The following FALEC variants were observed in gnomAD, a reference collection of about 807,000 sequenced individuals.
FALEC encodes the protein focally amplified lncRNA regulator of ECM1.
the FALEC span, among the ~76,000 whole-genome samples, chr1:150,527,177 G>T: frequency 6.6e-5 from 10 of 151,266 alleles, no homozygotes; most frequent in African/African-American, 2.4e-4. Context: ...CTGACCTCAG[G>T]TGATCAGCCT....
At chr1:150,517,085 G>T (rs1003312324) in intron 1 of FALEC, among the ~76,000 whole-genome samples, 3 of 152,080 alleles carry the variant, frequency 2.0e-5, no homozygotes, top group Non-Finnish European at 2.9e-5. Context: ...GATCAACCGA[G>T]GTCAGGAGTT....
At chr1:150,526,277 G>A in the FALEC span, among the ~76,000 whole-genome samples, 4 of 150,862 alleles carry the variant, frequency 2.7e-5, no homozygotes, top group Non-Finnish European at 5.9e-5. Flanking sequence ...GTGAACTCGG[G>A]AGGCGGAGCT....
chr1:150,516,434 C>G (rs1222812051), intron 1 of FALEC, among the ~76,000 whole-genome samples: 2 of 152,202 alleles, frequency 1.3e-5, no homozygotes, highest in Non-Finnish European at 2.9e-5. Flanking sequence ...CCGGAGAGCA[C>G]TTGTAAGCTA....
chr1:150,526,407 C>T, the FALEC span, among the ~76,000 whole-genome samples: 3 of 151,678 alleles, frequency 2.0e-5, no homozygotes, highest in African/African-American at 4.8e-5. Context: ...CTATGTCGCC[C>T]AGGCTGGTCT....
chr1:150,531,759 C>T, the FALEC span, among the ~76,000 whole-genome samples: 1 of 152,328 alleles, frequency 6.6e-6, no homozygotes, highest in African/African-American at 2.4e-5. Flanking sequence ...CACCCCTAAC[C>T]AAGCACACAG....
chr1:150,530,981 G>A, the FALEC span, among the ~76,000 whole-genome samples: 2 of 152,124 alleles, frequency 1.3e-5, no homozygotes, highest in African/African-American at 4.8e-5. Flanking sequence ...CTGGGGACAG[G>A]CCTGGCCCCA....
At chr1:150,526,001 C>T in the FALEC span, among the ~76,000 whole-genome samples, 137 of 152,276 alleles carry the variant, frequency 9.0e-4, 1 homozygote, top group African/African-American at 3.1e-3. Context: ...TGGTTTCTTT[C>T]ACTCAGCATA....
downstream of FALEC, among the ~76,000 whole-genome samples, chr1:150,522,904 C>CGT (rs1553907931): frequency 1.4e-5 from 1 of 72,102 alleles, no homozygotes; most frequent in Non-Finnish European, 2.5e-5. Context: ...TATATATATA[C>CGT]ATATATATAC....
At chr1:150,519,421 A>G (rs587670305), downstream of FALEC, among the ~76,000 whole-genome samples, 1 of 152,316 alleles carries the variant, frequency 6.6e-6, no homozygotes, top group East Asian at 1.9e-4. Context: ...TTAATTTTTA[A>G]AAAGTATGGT....
At chr1:150,535,154 G>A in the FALEC span, among the ~76,000 whole-genome samples, 3 of 152,150 alleles carry the variant, frequency 2.0e-5, no homozygotes, top group Non-Finnish European at 4.4e-5. Flanking sequence ...TTCCTCCTGA[G>A]GCCTTCGAAA....
chr1:150,519,049 T>C (rs587598974), downstream of FALEC, among the ~76,000 whole-genome samples: 1 of 152,240 alleles, frequency 6.6e-6, no homozygotes, highest in Admixed American at 6.5e-5. Context: ...AGAGTGAAAC[T>C]CTGTCTCAAC....
At chr1:150,533,929 G>T in the FALEC span, among the ~76,000 whole-genome samples, 1 of 152,348 alleles carries the variant, frequency 6.6e-6, no homozygotes, top group South Asian at 2.1e-4. Flanking sequence ...GGAAGAAGGA[G>T]ACGTGTCGTG....
At chr1:150,530,520 C>T in the FALEC span, among the ~76,000 whole-genome samples, 1 of 152,058 alleles carries the variant, frequency 6.6e-6, no homozygotes, top group South Asian at 2.1e-4. Flanking sequence ...TCTCTGAGGC[C>T]GGTGCTCACT....
the FALEC span, among the ~76,000 whole-genome samples, chr1:150,529,016 C>CAAAAAAA: frequency 0.02 from 1,178 of 59,182 alleles, 132 homozygotes; most frequent in African/African-American, 0.073. Flanking sequence ...AAATAAATAG[C>CAAAAAAA]AAAAAAAAAA....
chr1:150,534,640 G>A, the FALEC span, among the ~76,000 whole-genome samples: 7 of 152,072 alleles, frequency 4.6e-5, no homozygotes, highest in Admixed American at 1.3e-4. Context: ...TCAGGAAATC[G>A]AGACCATCCT....
At chr1:150,522,491 T>TG, downstream of FALEC, among the ~76,000 whole-genome samples, 3 of 150,352 alleles carry the variant, frequency 2.0e-5, no homozygotes, top group South Asian at 6.3e-4. Context: ...GGCATAGCGG[T>TG]GCATGCCTGT....
chr1:150,535,534 G>A, the FALEC span, among the ~76,000 whole-genome samples: 10 of 152,354 alleles, frequency 6.6e-5, no homozygotes, highest in African/African-American at 2.2e-4. Context: ...GTGAGCCACC[G>A]CGCCCAGGCT....
downstream of FALEC, among the ~76,000 whole-genome samples, chr1:150,520,912 C>T (rs1670634176): frequency 1.3e-5 from 2 of 150,432 alleles, no homozygotes; most frequent in African/African-American, 4.9e-5. Context: ...TGGGATTCTC[C>T]TGCTTCAGCC....
chr1:150,520,014 T>TG (rs1670617888), downstream of FALEC, among the ~76,000 whole-genome samples: 1 of 152,194 alleles, frequency 6.6e-6, no homozygotes, highest in Admixed American at 6.5e-5. Context: ...CCGGGTGTGG[T>TG]GGTGCATGCC....
Sources: allele counts gnomAD v4.1 joint callset (sites outside exome capture counted in the v4.1 genomes callset), GRCh38; gene constraint gnomAD v4.1.1; transcripts MANE v1.5; gene names NCBI Gene and HGNC (gene_info 2026-07-23, HGNC 2026-07-21).